The following RNF121 variants were observed in gnomAD, a reference collection of about 807,000 sequenced individuals.
The protein encoded by RNF121 is E3 ubiquitin ligase RNF121.
In RNF121, 21 loss-of-function variants were observed where a neutral mutation model predicts 46.5. The observed-to-expected ratio is 0.45, with a 90% CI of 0.32 to 0.65. The LOEUF (loss-of-function observed/expected upper bound fraction) is 0.65. RNF121 is among the 30% of genes least tolerant of loss of function. The pLI, the probability that RNF121 is intolerant of heterozygous loss-of-function variation, is 0.04. For missense variants in RNF121, 346 were observed against 416.0 expected (o/e 0.83, Z 1.46); for synonymous variants, 139 against 144.7 (o/e 0.96, Z 0.28).
chr11:71,931,351 T>C (rs1482544954), intron 1 of RNF121, among the ~76,000 whole-genome samples: 1 of 152,160 alleles, frequency 6.6e-6, no homozygotes, highest in African/African-American at 2.4e-5. Context: ...GGAAATTCCG[T>C]GTGGACTGGT....
chr11:71,993,057 T>C (rs1029974818), intron 6 of RNF121, among the ~76,000 whole-genome samples: 1 of 152,176 alleles, frequency 6.6e-6, no homozygotes, highest in Non-Finnish European at 1.5e-5. Flanking sequence ...AATATTCTAA[T>C]TTTTTCTCTA....
chr11:71,936,005 G>A (rs1200964686), intron 1 of RNF121, among the ~76,000 whole-genome samples: 2 of 151,490 alleles, frequency 1.3e-5, no homozygotes, highest in African/African-American at 4.9e-5. Context: ...GTGCCACCAC[G>A]CCCGGCTACT....
chr11:71,982,053 C>T (rs1421233528), intron 3 of RNF121, among the ~76,000 whole-genome samples: 1 of 152,104 alleles, frequency 6.6e-6, no homozygotes, highest in Non-Finnish European at 1.5e-5. Context: ...GGAAGGACAA[C>T]CTGATGGGGA....
Position 71,950,588 on chromosome 11 carries a change from TA to T in RNF121, c.64-6627del, listed in dbSNP as rs898563461. On this transcript the variant is annotated intron_variant, in intron 1 of 8. Coordinates refer to ENST00000361756, the MANE Select transcript of RNF121 (RefSeq NM_018320.5). ...GACACGACAGAGCAAGACTCTGTCT[TA>T]AAAAAAAAAAATTGTTGATATGATT... is the stretch of plus-strand genomic sequence containing the variant. Among the ~76,000 whole-genome samples the T allele has an allele frequency of 3.9e-3, 569 of 146,462 alleles. 2 individuals carry two copies. The highest frequency in any genetic ancestry group is 0.013 in the African/African-American group (511 of 40,246).
intron 1 of RNF121, among the ~76,000 whole-genome samples, chr11:71,944,805 A>G (rs1953674520): frequency 6.6e-6 from 1 of 152,178 alleles, no homozygotes; most frequent in African/African-American, 2.4e-5. Context: ...GATAGTAGAT[A>G]TATTTCTTAC....
intron 1 of RNF121, among the ~76,000 whole-genome samples, chr11:71,942,794 A>G (rs1472825546): frequency 1.8e-5 from 1 of 56,878 alleles, no homozygotes; most frequent in East Asian, 4.0e-4. Context: ...ATATATAGAT[A>G]TATATATGTA....
At position 71,994,791 on chromosome 11, in the gene RNF121, T is replaced by C; in HGVS notation, c.700T>C (p.Phe234Leu). ...SVCAVCGQQI[F>L]VDVSEEGIIE... ...GTGTGCTGTGTGTGGGCAGCAGATC[T>C]TTGTGGACGTCAGTGAAGAGGGGAT... The change falls in exon 7 of 9, where the codon TTT becomes CTT. Residue 234 changes from phenylalanine to leucine, a missense_variant. Physicochemically the swap from Phe to Leu is conservative, Grantham distance 22. Transcript: ENST00000361756. 1 of 1,614,190 alleles carries C rather than the reference T, an allele frequency of 6.2e-7. No individual in the cohort carries two copies. Among genetic ancestry groups the C allele is most frequent in the Non-Finnish European group, 8.5e-7 (1 of 1,180,028 alleles).
chr11:71,942,042 C>T (rs1953582480), intron 1 of RNF121, among the ~76,000 whole-genome samples: 1 of 151,536 alleles, frequency 6.6e-6, no homozygotes, highest in African/African-American at 2.4e-5. Flanking sequence ...GTGCCATTCT[C>T]CTGCCTCAGC....
chr11:71,953,127 G>C (rs1225032914), intron 1 of RNF121, among the ~76,000 whole-genome samples: 1 of 152,164 alleles, frequency 6.6e-6, no homozygotes, highest in Non-Finnish European at 1.5e-5. Context: ...TCAAACTCCT[G>C]GGCTTAAGCA....
intron 3 of RNF121, among the ~76,000 whole-genome samples, chr11:71,982,310 TG>T (rs1157507837): frequency 1.9e-5 from 2 of 105,366 alleles, no homozygotes; most frequent in African/African-American, 7.4e-5. Flanking sequence ...CACTCCAACC[TG>T]GGCAACAGAG....
intron 3 of RNF121, among the ~76,000 whole-genome samples, chr11:71,973,557 C>T (rs1434380106): frequency 6.6e-6 from 1 of 151,996 alleles, no homozygotes; most frequent in East Asian, 1.9e-4. Flanking sequence ...GAGGCCGAGG[C>T]GGGCAGATCA....
intron 3 of RNF121, among the ~76,000 whole-genome samples, chr11:71,965,735 T>C (rs1466810221): frequency 6.6e-6 from 1 of 152,168 alleles, no homozygotes. Context: ...GGTCAAAAAA[T>C]ATATGTGTTT....
rs1954984080 is a variant in RNF121 at position 71,996,626 on chromosome 11, G to T, written c.*311G>T. On this transcript the variant is annotated 3_prime_UTR_variant, in exon 9 of 9. Coordinates refer to ENST00000361756, the MANE Select transcript of RNF121 (RefSeq NM_018320.5). ...CCTGCCTAAGCAGGGTGGGGGCAGA[G>T]CCATGACATTTTTGGTTTAAAGGAG... The T allele has an allele frequency of 8.0e-6, 2 of 249,886 alleles. No homozygotes were observed. The highest frequency in any genetic ancestry group is 1.6e-5 in the Non-Finnish European group (2 of 127,072). The allele number at this position is 249,886 out of a possible 1,614,324, so 15.5% of individuals were successfully genotyped here. A position where few individuals can be genotyped will look rare whatever the true frequency, so the allele number is the denominator to read the frequency against.
chr11:71,935,974 A>G (rs1212487837), intron 1 of RNF121, among the ~76,000 whole-genome samples: 1 of 146,316 alleles, frequency 6.8e-6, no homozygotes, highest in African/African-American at 2.6e-5. Context: ...CAGCCTCCTG[A>G]GTAGCTGGGA....
intron 1 of RNF121, among the ~76,000 whole-genome samples, chr11:71,937,005 A>C (rs533015873): frequency 9.2e-5 from 14 of 152,308 alleles, no homozygotes; most frequent in Non-Finnish European, 1.8e-4. Context: ...CATGCCTACT[A>C]TCTGTTCTGG....
intron 3 of RNF121, among the ~76,000 whole-genome samples, chr11:71,961,790 A>C (rs1954140282): frequency 6.6e-6 from 1 of 152,200 alleles, no homozygotes; most frequent in Non-Finnish European, 1.5e-5. Context: ...GTGGAAAGAC[A>C]CAAGCCAGGA....
At chr11:71,966,424 C>G (rs1565152309) in intron 3 of RNF121, among the ~76,000 whole-genome samples, 1 of 152,140 alleles carries the variant, frequency 6.6e-6, no homozygotes, top group Non-Finnish European at 1.5e-5. Flanking sequence ...CCAACTCTGT[C>G]AGTCGCTGAT....
intron 3 of RNF121, 119 bp downstream of exon 3, chr11:71,961,010 C>CT: frequency 8.8e-7 from 1 of 1,135,492 alleles, no homozygotes; most frequent in South Asian, 1.5e-5. Flanking sequence ...TAACAATGAA[C>CT]TTTATGTATG....
At chr11:71,938,364 A>T (rs1590767912) in intron 1 of RNF121, among the ~76,000 whole-genome samples, 1 of 112,436 alleles carries the variant, frequency 8.9e-6, no homozygotes, top group Non-Finnish European at 1.7e-5. Context: ...CTTGTTGCCC[A>T]GGCTGGAGTG....
Sources: allele counts gnomAD v4.1 joint callset (sites outside exome capture counted in the v4.1 genomes callset), GRCh38; gene constraint gnomAD v4.1.1; transcripts MANE v1.5; gene names NCBI Gene and HGNC (gene_info 2026-07-23, HGNC 2026-07-21).